Variants in TYMS observed in about 807,000 individuals in gnomAD.
The protein encoded by TYMS is thymidylate synthetase.
In TYMS, 21 loss-of-function variants were observed where a neutral mutation model predicts 39.3. That is an observed-to-expected ratio of 0.54 (90% confidence interval 0.38 to 0.77). The LOEUF is 0.77. Ranked by LOEUF, TYMS falls within the 30% of genes least tolerant of loss-of-function variation. The probability of loss-of-function intolerance (pLI) is 0.00; values close to 1 mark genes in which losing one functional copy is unlikely to be tolerated. For synonymous variants in TYMS, 171 were observed against 162.2 expected, an observed-to-expected ratio of 1.05 and a Z score of -0.41; for missense variants, 273 against 406.7, an observed-to-expected ratio of 0.67 and a Z score of 2.83.
intron 6 of TYMS, 149 bp downstream of exon 6, chr18:671,600 T>C: frequency 1.5e-6 from 1 of 677,650 alleles, no homozygotes; most frequent in Non-Finnish European, 2.6e-6. Flanking sequence ...GGTGGGCAGG[T>C]GGGCAGGACA....
intron 3 of TYMS, among the ~76,000 whole-genome samples, chr18:668,513 CGT>C (rs2074903240): frequency 6.6e-6 from 1 of 152,050 alleles, no homozygotes; most frequent in South Asian, 2.1e-4. Context: ...CCAAGTCAGT[CGT>C]GTGTTGAGCT....
rs1349604592 is a variant in TYMS, at chr18:673,061, A to C, written c.*64A>C. 7.0e-7 allele frequency: 1 copy of C among 1,436,634 alleles called. No individual in the cohort carries two copies. The highest frequency in any genetic ancestry group is 9.3e-7 in the Non-Finnish European group (1 of 1,077,818). 89.0% of individuals were successfully genotyped at this position (1,436,634 alleles called of 1,614,324 possible). Reference sequence around the variant, plus strand: ...TAGGGGTTGGGCTGGATGCCGAGGTAAAAGTTCTTTTTGCTCTAAAAGAAA... The same window carrying C: ...TAGGGGTTGGGCTGGATGCCGAGGTCAAAGTTCTTTTTGCTCTAAAAGAAA... On this transcript the variant is annotated 3_prime_UTR_variant, in exon 7 of 7. Transcript: ENST00000323274.
intron 2 of TYMS, among the ~76,000 whole-genome samples, chr18:661,844 G>A (rs1427253374): frequency 6.6e-6 from 1 of 152,266 alleles, no homozygotes; most frequent in East Asian, 1.9e-4. Flanking sequence ...AATTAGCTGG[G>A]TGTAGTGGCG....
intron 5 of TYMS, 113 bp from the exon 6 acceptor site, chr18:671,265 CTA>C: frequency 3.8e-6 from 3 of 786,494 alleles, no homozygotes; most frequent in Non-Finnish European, 6.6e-6. Context: ...AAAAGCTACA[CTA>C]AATTATTTTT....
rs1323951432 is a variant in TYMS, at chr18:660,010, G to C, written c.279+296G>C. Among the ~76,000 whole-genome samples, 1 of 152,180 alleles carries C rather than the reference G, an allele frequency of 6.6e-6. No homozygotes were observed. Among genetic ancestry groups the C allele is most frequent in the African/African-American group, 2.4e-5 (1 of 41,428 alleles). ...AATTGCTCACGAGGCGGAGGTTGTA[G>C]TGAGCTGAGATCGTGGCACTGTACT... On this transcript the variant is annotated intron_variant, in intron 2 of 6. Transcript: ENST00000323274. The surrounding 1 kb of genome is among the most constrained non-coding windows in gnomAD (Gnocchi z 4.6).
chr18:667,026 TGGTGATGGA>T (rs2074847251), intron 3 of TYMS, among the ~76,000 whole-genome samples: 1 of 13,322 alleles, frequency 7.5e-5, no homozygotes, highest in Non-Finnish European at 1.4e-4. Flanking sequence ...GAGATGGAGA[TGGTGATGGA>T]GATGGTGATG....
chr18:669,366 A>ATTTTTTTTTTTTTTTTT (rs68090938), intron 4 of TYMS, 193 bp downstream of exon 4: 1 of 182,354 alleles, frequency 5.5e-6, no homozygotes, highest in Non-Finnish European at 1.0e-5. Flanking sequence ...GGCCCAGAGG[A>ATTTTTTTTTTTTTTTTT]TTTTTTTTTT....
Position 671,767 on chromosome 18 carries a change from G to A in TYMS, c.804+316G>A, listed in dbSNP as rs536371985. 78 of 321,778 alleles carry A rather than the reference G, an allele frequency of 2.4e-4. No individual in the cohort carries two copies. In the Admixed American group the frequency reaches 3.2e-3, roughly 13 times the overall value. The allele number at this position is 321,778 out of a possible 1,614,324, so 19.9% of individuals were successfully genotyped here. ...TTTTAACTTGAAGGAGAATTGAAGTGCAAATGTTTTTCCTTTTCTTTTTTT... is the reference window on the plus strand; with the variant it reads ...TTTTAACTTGAAGGAGAATTGAAGTACAAATGTTTTTCCTTTTCTTTTTTT... On this transcript the variant is annotated intron_variant, in intron 6 of 6. Coordinates refer to ENST00000323274, the MANE Select transcript of TYMS (RefSeq NM_001071.4).
chr18:668,277 G>A (rs760050111), intron 3 of TYMS, among the ~76,000 whole-genome samples: 10 of 152,196 alleles, frequency 6.6e-5, no homozygotes, highest in Non-Finnish European at 1.0e-4. Context: ...GACCATGAGA[G>A]GACTTTCCTC....
rs2790 is a variant in TYMS at position 673,086 on chromosome 18, A to G, written c.*89A>G. ...AAAAGTTCTTTTTGCTCTAAAAGAA[A>G]AAGGAACTAGGTCAAAAATCTGTCC... On this transcript the variant is annotated 3_prime_UTR_variant, in exon 7 of 7. Transcript: ENST00000323274. 0.22 allele frequency: 299,947 copies of G among 1,377,150 alleles called. 34,173 individuals carry two copies. The highest frequency in any genetic ancestry group is 0.39 in the East Asian group (16,642 of 43,016). The allele number at this position is 1,377,150 out of a possible 1,614,324, so 85.3% of individuals were successfully genotyped here.
chr18:661,625 GT>G (rs1443295236), intron 2 of TYMS, among the ~76,000 whole-genome samples: 1 of 152,232 alleles, frequency 6.6e-6, no homozygotes, highest in Non-Finnish European at 1.5e-5. Flanking sequence ...TGGGAGGGTG[GT>G]TCCAAAGAAG....
At chr18:664,084 T>C (rs1218149010) in intron 3 of TYMS, among the ~76,000 whole-genome samples, 1 of 146,476 alleles carries the variant, frequency 6.8e-6, no homozygotes, top group African/African-American at 2.6e-5. Flanking sequence ...GGGGATGGCA[T>C]TGAATCTATA....
At chr18:661,563 T>G (rs1321055180) in intron 2 of TYMS, among the ~76,000 whole-genome samples, 2 of 152,188 alleles carry the variant, frequency 1.3e-5, no homozygotes, top group Non-Finnish European at 2.9e-5. Context: ...TTAAAAGCAC[T>G]TGGAGGTGTT....
intron 3 of TYMS, among the ~76,000 whole-genome samples, chr18:665,492 G>A (rs2074801908): frequency 6.9e-6 from 1 of 144,578 alleles, no homozygotes; most frequent in Non-Finnish European, 1.5e-5. Context: ...TTTTTTGAAG[G>A]GTTTTTTGTG....
At chr18:668,152 T>C (rs982366176) in intron 3 of TYMS, among the ~76,000 whole-genome samples, 1 of 152,144 alleles carries the variant, frequency 6.6e-6, no homozygotes, top group Non-Finnish European at 1.5e-5. Flanking sequence ...TGTGTATGTG[T>C]GTATTTGCAA....
intron 3 of TYMS, among the ~76,000 whole-genome samples, chr18:666,927 T>C (rs112644733): frequency 0.014 from 777 of 54,670 alleles, 144 homozygotes; most frequent in African/African-American, 0.063. Flanking sequence ...ATGGAGATGG[T>C]GATGGTGATG....
chr18:662,424 A>G (rs2074765563), intron 3 of TYMS, 104 bp downstream of exon 3: 17 of 1,098,096 alleles, frequency 1.5e-5, no homozygotes, highest in Non-Finnish European at 2.2e-5. Flanking sequence ...ATGTCACAGG[A>G]GCTGATGTAT....
chr18:669,561 G>A (rs1439328796), intron 4 of TYMS: 3 of 177,814 alleles, frequency 1.7e-5, no homozygotes, highest in South Asian at 2.6e-4. Context: ...TAGTAGAGAC[G>A]GGGTTTCACC....
In TYMS at chr18:660,550, G is replaced by A. The variant is rs2074747057; in HGVS notation, c.279+836G>A. Among the ~76,000 whole-genome samples, 1 of 152,230 alleles carries A rather than the reference G, an allele frequency of 6.6e-6. No homozygotes were observed. The highest frequency in any genetic ancestry group is 2.1e-4 in the South Asian group (1 of 4,834). ...GGCCTCAAACACAGCCTGCCACATAGTAGGAGTCAACATATATTGATCACT... is the reference window on the plus strand; with the variant it reads ...GGCCTCAAACACAGCCTGCCACATAATAGGAGTCAACATATATTGATCACT... On this transcript the variant is annotated intron_variant, in intron 2 of 6. Coordinates refer to ENST00000323274, the MANE Select transcript of TYMS (RefSeq NM_001071.4). The surrounding 1 kb of genome is among the most constrained non-coding windows in gnomAD (Gnocchi z 4.6).
Sources: gnomAD v4.1 joint callset for allele counts (sites outside exome capture counted in the v4.1 genomes callset) on GRCh38, gnomAD v4.1.1 for gene constraint, Gnocchi (gnomAD v3.1) non-coding constraint, MANE v1.5 for transcripts, NCBI Gene and HGNC (gene_info 2026-07-23, HGNC 2026-07-21) for gene names.